AATF: variants seen among roughly 807,000 people sequenced by gnomAD.
The protein encoded by AATF is apoptosis antagonizing transcription factor, also known as protein AATF.
Under a neutral mutation model 63.7 loss-of-function variants are expected in AATF, and 48 were observed. The ratio of observed to expected loss-of-function variants is 0.75; its 90% CI spans 0.60 to 0.96. The LOEUF (loss-of-function observed/expected upper bound fraction) is 0.96. AATF is among the 40% of genes least tolerant of loss of function. The pLI is 0.00. For missense variants in AATF, 639 were observed against 685.7 expected, an observed-to-expected ratio of 0.93 and a Z score of 0.76; for synonymous variants, 258 against 247.7, an observed-to-expected ratio of 1.04 and a Z score of -0.39.
At chr17:37,049,420 G>A (rs903334887) in intron 11 of AATF, among the ~76,000 whole-genome samples, 1 of 152,112 alleles carries the variant, frequency 6.6e-6, no homozygotes, top group African/African-American at 2.4e-5. Flanking sequence ...GGCTAACACA[G>A]TGAAACCCTG....
rs1004009555 is a variant in AATF at position 36,953,289 on chromosome 17, C to T, written c.687C>T (p.Asn229=). 8 of 1,612,890 alleles carry T rather than the reference C, an allele frequency of 5.0e-6. No individual in the cohort carries two copies. The highest frequency in any genetic ancestry group is 2.7e-5 in the African/African-American group (2 of 74,886). ...TGGAGAAAGGAAGAGCCGTGAAGAA[C>T]CAGATAGGTTTGTACATGGTTTTGC... ...EEVEKGRAVK[N]QIALWDQLLE... The change falls in exon 3 of 12, where the codon AAC becomes AAT. Residue 229 remains asparagine (N), a synonymous_variant. Transcript: ENST00000619387.
At position 36,953,087 on chromosome 17, in the gene AATF, A is replaced by C. The variant is rs748033236; in HGVS notation, c.485A>C (p.Lys162Thr). 5.0e-6 allele frequency: 8 copies of C among 1,614,164 alleles called. No homozygotes were observed. The highest frequency in any genetic ancestry group is 6.8e-6 in the Non-Finnish European group (8 of 1,180,034). Residue 162 changes from lysine to threonine, a missense_variant, in exon 3 of 12, where the codon AAG becomes ACG. By Grantham distance (78) the Lys-to-Thr change is moderately conservative (BLOSUM62 -1). Coordinates refer to ENST00000619387, the MANE Select transcript of AATF (RefSeq NM_012138.4). Reference sequence around the variant, plus strand: ...ATCAGTGACTTTGAGAAATTTACCAAGGGAATGGATGACCTTGGGAGCAGT... The same window carrying C: ...ATCAGTGACTTTGAGAAATTTACCACGGGAATGGATGACCTTGGGAGCAGT... Reference protein sequence around the residue: ...QSISDFEKFTKGMDDLGSSEE... With the variant: ...QSISDFEKFTTGMDDLGSSEE...
intron 4 of AATF, among the ~76,000 whole-genome samples, chr17:36,956,509 C>G (rs944692298): frequency 6.6e-6 from 1 of 151,114 alleles, no homozygotes; most frequent in African/African-American, 2.4e-5. Context: ...CCCGTCTCTA[C>G]TGAAAATACA....
chr17:37,037,110 G>A (rs1242739177), intron 11 of AATF, among the ~76,000 whole-genome samples: 2 of 151,172 alleles, frequency 1.3e-5, no homozygotes, highest in Non-Finnish European at 1.5e-5. Flanking sequence ...CTGGGTTCAA[G>A]TGATTCTCCT....
At chr17:36,982,568 T>G (rs1278106804) in intron 4 of AATF, among the ~76,000 whole-genome samples, 1 of 152,130 alleles carries the variant, frequency 6.6e-6, no homozygotes, top group Non-Finnish European at 1.5e-5. Flanking sequence ...TTAGCCATGA[T>G]GGTCTCCATC....
Position 37,040,714 on chromosome 17 carries a change from T to TTG in AATF, c.1619+9030_1619+9031dup, listed in dbSNP as rs2071630876. Among the ~76,000 whole-genome samples, 5 of 147,276 alleles carry TTG rather than the reference T, an allele frequency of 3.4e-5. No homozygotes were observed. In the South Asian group the frequency reaches 1.1e-3, roughly 32 times the overall value. ...CCTAGCTACTCTTTCAAAAACTTAT[T>TTG]TGGGGGGGGGAACTTCTTTAGATTA... On this transcript the variant is annotated intron_variant, in intron 11 of 11. Coordinates refer to ENST00000619387, the MANE Select transcript of AATF (RefSeq NM_012138.4).
rs1176681792 is a variant in AATF, at chr17:37,056,719, A to G, written c.*55A>G. The G allele has an allele frequency of 1.0e-5, 16 of 1,573,348 alleles. No homozygotes were observed. The highest frequency in any genetic ancestry group is 1.4e-5 in the Non-Finnish European group (16 of 1,143,902). On this transcript the variant is annotated 3_prime_UTR_variant, in exon 12 of 12. Coordinates refer to ENST00000619387, the MANE Select transcript of AATF (RefSeq NM_012138.4). ...CCTTGGCTGGTGCGGCTGCTGGTCC[A>G]GATGGAGGAAACCAGTGACTTTATG...
At chr17:36,982,639 A>G (rs1191066344) in intron 4 of AATF, among the ~76,000 whole-genome samples, 2 of 152,108 alleles carry the variant, frequency 1.3e-5, no homozygotes, top group Admixed American at 1.3e-4. Context: ...GGCGTGAGCC[A>G]CCGCGCCCAG....
At chr17:37,045,931 T>A (rs1407322019) in intron 11 of AATF, 2 of 152,212 alleles carry the variant, frequency 1.3e-5, no homozygotes, top group Non-Finnish European at 2.9e-5. Context: ...GCTGAATTTC[T>A]GATTTGCAGA....
chr17:37,017,478 CTG>C lies in AATF; in HGVS notation c.1399-1523_1399-1522del, dbSNP rs1191883309. ...TACATAGGTTTACTGTGTCATATGT[CTG>C]TGTAACACTGGATTTGGATCTTGTA... On this transcript the variant is annotated intron_variant, in intron 8 of 11. Transcript: ENST00000619387. 2.6e-5 allele frequency among the ~76,000 whole-genome samples: 4 copies of C among 152,204 alleles called. No individual in the cohort carries two copies. The South Asian group carries it at 8.3e-4, about 32-fold the overall frequency.
chr17:36,979,597 TG>T (rs2071105262), intron 4 of AATF, among the ~76,000 whole-genome samples: 1 of 152,158 alleles, frequency 6.6e-6, no homozygotes, highest in African/African-American at 2.4e-5. Flanking sequence ...GTAATATGAA[TG>T]GGGGAGTTTA....
rs2071757087 is a variant in AATF at position 37,052,091 on chromosome 17, T to A, written c.1620-4510T>A. On this transcript the variant is annotated intron_variant, in intron 11 of 11. Coordinates refer to ENST00000619387, the MANE Select transcript of AATF (RefSeq NM_012138.4). The stretch of plus-strand genomic sequence containing the variant: ...TGAACGCATTGTCTACAGTGGACAC[T>A]CCCACTGACCATGAGTGTGTGTGTG... Among the ~76,000 whole-genome samples, 3 of 152,156 alleles carry A rather than the reference T, an allele frequency of 2.0e-5. No individual in the cohort carries two copies. In the South Asian group the frequency reaches 6.2e-4, roughly 32 times the overall value.
chr17:36,983,468 C>G (rs1412177805), intron 4 of AATF, among the ~76,000 whole-genome samples: 1 of 152,182 alleles, frequency 6.6e-6, no homozygotes, highest in Non-Finnish European at 1.5e-5. Flanking sequence ...CTGCCTCAGC[C>G]TCCCGAGTAG....
chr17:37,003,471 CTTTTTTTTTTTTTTT>C (rs1163393533), intron 8 of AATF, among the ~76,000 whole-genome samples: 1 of 96,646 alleles, frequency 1.0e-5, no homozygotes, highest in African/African-American at 4.8e-5. Context: ...TTGACAAGAA[CTTTTTTTTTTTTTTT>C]TTTTTTTTTT....
chr17:36,975,944 GT>G (rs1387296551), intron 4 of AATF, among the ~76,000 whole-genome samples: 5 of 152,152 alleles, frequency 3.3e-5, no homozygotes, highest in African/African-American at 1.2e-4. Flanking sequence ...TAATCCATTT[GT>G]TAACATTCTT....
At chr17:37,022,530 CT>C (rs947813223) in intron 10 of AATF, among the ~76,000 whole-genome samples, 1 of 151,420 alleles carries the variant, frequency 6.6e-6, no homozygotes, top group Non-Finnish European at 1.5e-5. Flanking sequence ...TTCTTTACCT[CT>C]TTTTATGTCT....
intron 5 of AATF, among the ~76,000 whole-genome samples, chr17:36,987,500 C>T (rs17651635): frequency 0.12 from 18,271 of 152,138 alleles, 1,328 homozygotes; most frequent in Non-Finnish European, 0.16. Context: ...CTTTTGTTTA[C>T]ACCTGCTGTA....
chr17:37,011,617 G>T (rs1160175266), intron 8 of AATF, among the ~76,000 whole-genome samples: 1 of 152,164 alleles, frequency 6.6e-6, no homozygotes, highest in Admixed American at 6.5e-5. Flanking sequence ...GAACTGAGTC[G>T]TGAGGAGTGG....
chr17:36,956,576 G>A (rs2070902206), intron 4 of AATF, among the ~76,000 whole-genome samples: 2 of 152,204 alleles, frequency 1.3e-5, no homozygotes, highest in South Asian at 4.1e-4. Context: ...GGGAGGCTGA[G>A]GCAGGAGAAT....
Sources: gnomAD v4.1 joint callset for allele counts (sites outside exome capture counted in the v4.1 genomes callset) on GRCh38, gnomAD v4.1.1 for gene constraint, MANE v1.5 for transcripts, NCBI Gene and HGNC (gene_info 2026-07-23, HGNC 2026-07-21) for gene names.